Variants in ADCY2 observed in about 807,000 individuals in gnomAD.
ADCY2 encodes adenylate cyclase 2.
A neutral mutation model predicts 125.2 loss-of-function variants in ADCY2; 31 were observed. The observed-to-expected ratio is 0.25, with a 90% CI of 0.19 to 0.33. ADCY2 has a LOEUF of 0.33. Ranked by LOEUF, ADCY2 falls within the 10% of genes least tolerant of loss-of-function variation. The probability of loss-of-function intolerance (pLI) is 1.00; values close to 1 mark genes in which losing one functional copy is unlikely to be tolerated. For missense variants in ADCY2, 904 were observed against 1,418.2 expected, an observed-to-expected ratio of 0.64 and a Z score of 5.82; for synonymous variants, 512 against 548.4, an observed-to-expected ratio of 0.93 and a Z score of 0.93.
At chr5:7,511,570 G>C (rs1049804376) in intron 2 of ADCY2, among the ~76,000 whole-genome samples, 14 of 150,378 alleles carry the variant, frequency 9.3e-5, no homozygotes, top group Admixed American at 1.3e-4. Flanking sequence ...GTAAGACTCT[G>C]TCTCAAAAAA....
chr5:7,477,285 T>C (rs138342154), intron 2 of ADCY2, among the ~76,000 whole-genome samples: 5 of 152,354 alleles, frequency 3.3e-5, no homozygotes, highest in Non-Finnish European at 7.3e-5. Flanking sequence ...ATAGAAAAGC[T>C]ATTTAATATC....
intron 20 of ADCY2, among the ~76,000 whole-genome samples, chr5:7,790,014 T>C (rs1470411938): frequency 6.6e-6 from 1 of 152,242 alleles, no homozygotes; most frequent in Non-Finnish European, 1.5e-5. Context: ...GAATGACCTC[T>C]AAAAGTCTGA....
rs186105484 is a variant in ADCY2, at chr5:7,491,193, A to G, written c.409-29545A>G. Among the ~76,000 whole-genome samples, 653 of 152,314 alleles carry G rather than the reference A, an allele frequency of 4.3e-3. 9 individuals are homozygous for G. In the South Asian group the frequency reaches 0.045, roughly 10 times the overall value. ...TTATCTATTTAATAACTTGAATTCT[A>G]TGATACTCAGGATGTATTCTCACAT... is the stretch of plus-strand genomic sequence containing the variant. On this transcript the variant is annotated intron_variant, in intron 2 of 24. Coordinates refer to ENST00000338316, the MANE Select transcript of ADCY2 (RefSeq NM_020546.3).
chr5:7,439,864 A>G (rs530853781), intron 2 of ADCY2, among the ~76,000 whole-genome samples: 1 of 152,214 alleles, frequency 6.6e-6, no homozygotes, highest in Admixed American at 6.5e-5. Context: ...GAAATGGGAG[A>G]CACAGGTGGG....
chr5:7,429,695 G>A (rs1207081323), intron 2 of ADCY2, among the ~76,000 whole-genome samples: 1 of 152,180 alleles, frequency 6.6e-6, no homozygotes, highest in Non-Finnish European at 1.5e-5. Flanking sequence ...GGGGAAATTA[G>A]AAAGTATCTT....
At chr5:7,684,081 G>T (rs943758242) in intron 4 of ADCY2, among the ~76,000 whole-genome samples, 2 of 152,252 alleles carry the variant, frequency 1.3e-5, no homozygotes, top group African/African-American at 4.8e-5. Flanking sequence ...GGATGGCATT[G>T]CTTACCTATG....
intron 2 of ADCY2, among the ~76,000 whole-genome samples, chr5:7,440,896 A>G (rs1185339050): frequency 6.6e-6 from 1 of 152,204 alleles, no homozygotes; most frequent in African/African-American, 2.4e-5. Context: ...CAAAGAACCC[A>G]CTGGAGCTAG....
intron 3 of ADCY2, among the ~76,000 whole-genome samples, chr5:7,569,535 G>A (rs191396406): frequency 1.3e-3 from 195 of 152,266 alleles, no homozygotes; most frequent in African/African-American, 4.3e-3. Flanking sequence ...CACAGCTGCT[G>A]CCCTAGAGGT....
At chr5:7,757,297 A>C in intron 15 of ADCY2, 152 bp from the exon 16 acceptor site, 1 of 942,884 alleles carries the variant, frequency 1.1e-6, no homozygotes, top group Middle Eastern at 2.4e-4. Flanking sequence ...AAGGTTTGTG[A>C]CTTCGTATGG....
At chr5:7,826,678 T>C in intron 24 of ADCY2, 41 bp from the exon 25 acceptor site, 1 of 1,613,922 alleles carries the variant, frequency 6.2e-7, no homozygotes. Context: ...TGTATCAATG[T>C]ATGTACTAAG....
At chr5:7,801,567 G>T (rs1450956031) in intron 20 of ADCY2, 1 of 152,210 alleles carries the variant, frequency 6.6e-6, no homozygotes, top group African/African-American at 2.4e-5. Context: ...GTGTCACTGT[G>T]TTGGGAAAAT....
At chr5:7,690,313 G>A (rs1168662212) in intron 4 of ADCY2, among the ~76,000 whole-genome samples, 1 of 152,144 alleles carries the variant, frequency 6.6e-6, no homozygotes, top group African/African-American at 2.4e-5. Flanking sequence ...GCTCAGAAAT[G>A]AACATGCAGG....
intron 2 of ADCY2, among the ~76,000 whole-genome samples, chr5:7,416,085 G>A (rs998990576): frequency 3.9e-5 from 6 of 152,154 alleles, no homozygotes; most frequent in Non-Finnish European, 8.8e-5. Context: ...GGACAGAATG[G>A]CTCAAAAGCC....
chr5:7,663,485 CTG>C (rs1368346592), intron 4 of ADCY2, among the ~76,000 whole-genome samples: 16 of 152,360 alleles, frequency 1.1e-4, no homozygotes, highest in African/African-American at 3.8e-4. Context: ...GACCTCAGGA[CTG>C]TGCACTGTAA....
At chr5:7,787,767 C>T (rs1199500207) in intron 19 of ADCY2, among the ~76,000 whole-genome samples, 1 of 152,022 alleles carries the variant, frequency 6.6e-6, no homozygotes, top group Non-Finnish European at 1.5e-5. Flanking sequence ...CTGAGTATTC[C>T]AAAATACTCT....
intron 3 of ADCY2, among the ~76,000 whole-genome samples, chr5:7,589,511 A>AAAGAAAGAAAAAG (rs757777978): frequency 1.8e-5 from 2 of 110,368 alleles, no homozygotes; most frequent in Non-Finnish European, 2.0e-5. Context: ...AGAAAGAAAG[A>AAAGAAAGAAAAAG]AAAGAAAAGA....
chr5:7,756,483 A>G (rs1375934665), intron 15 of ADCY2, among the ~76,000 whole-genome samples: 1 of 152,224 alleles, frequency 6.6e-6, no homozygotes, highest in African/African-American at 2.4e-5. Flanking sequence ...CATACAATGG[A>G]GTTTTATTCA....
intron 2 of ADCY2, among the ~76,000 whole-genome samples, chr5:7,471,712 T>C (rs923185192): frequency 6.7e-6 from 1 of 148,818 alleles, no homozygotes; most frequent in Non-Finnish European, 1.5e-5. Context: ...GTTTCTGTAC[T>C]GTAGCTCTGC....
At chr5:7,452,550 G>T (rs1311445917) in intron 2 of ADCY2, among the ~76,000 whole-genome samples, 2 of 152,108 alleles carry the variant, frequency 1.3e-5, no homozygotes, top group East Asian at 3.9e-4. Context: ...TGTGAAATGT[G>T]CTGTGATACA....
Sources: allele counts gnomAD v4.1 joint callset (sites outside exome capture counted in the v4.1 genomes callset), GRCh38; gene constraint gnomAD v4.1.1; transcripts MANE v1.5; gene names NCBI Gene and HGNC (gene_info 2026-07-23, HGNC 2026-07-21).